The following DCLRE1C variants were observed in gnomAD, a reference collection of about 807,000 sequenced individuals.
DCLRE1C encodes the protein DNA cross-link repair 1C.
In DCLRE1C, 47 loss-of-function variants were observed where a neutral mutation model predicts 61.4. The ratio of observed to expected loss-of-function variants is 0.77; its 90% CI spans 0.61 to 0.98. The LOEUF (loss-of-function observed/expected upper bound fraction) is 0.98, where lower values mean the gene tolerates loss of function less well. Ranked by LOEUF, DCLRE1C falls within the 50% of genes least tolerant of loss-of-function variation. DCLRE1C has a pLI of 0.00. For synonymous variants in DCLRE1C, 337 were observed against 287.6 expected (o/e 1.17, Z -1.74); for missense variants, 858 against 816.0 (o/e 1.05, Z -0.63).
chr10:14,939,748 A>T (rs1840559992), intron 4 of DCLRE1C, 62 bp downstream of exon 4: 1 of 1,400,328 alleles, frequency 7.1e-7, no homozygotes, highest in Admixed American at 1.7e-5. Flanking sequence ...TCAAAGAGAA[A>T]TATAAACAAT....
chr10:14,907,311 A>G lies in DCLRE1C; in HGVS notation c.*1097T>C, dbSNP rs1368696803. Among the ~76,000 whole-genome samples, 1 of 150,406 alleles carries G rather than the reference A, an allele frequency of 6.6e-6. No individual in the cohort carries two copies. Among genetic ancestry groups the G allele is most frequent in the Non-Finnish European group, 1.5e-5 (1 of 67,776 alleles). ...TTATCATACTAGATCCAAGTTTGTC[A>G]ATTTAAATCAGGTGTGTTTATGAGC... On this transcript the variant is annotated 3_prime_UTR_variant, in exon 14 of 14. Transcript: ENST00000378278.
Position 14,936,531 on chromosome 10 carries a change from C to T in DCLRE1C, c.362+7G>A, listed in dbSNP as rs758857771. 8 of 1,608,460 alleles carry T rather than the reference C, an allele frequency of 5.0e-6. No homozygotes were observed. Among genetic ancestry groups the T allele is most frequent in the South Asian group, 1.1e-5 (1 of 90,898 alleles). Reference sequence around the variant, plus strand: ...TAATAAAATGACAAAATAAATGACCCCCTTACATAACTGATCCCGGACAGT... The same window carrying T: ...TAATAAAATGACAAAATAAATGACCTCCTTACATAACTGATCCCGGACAGT... On this transcript the variant is annotated splice_region_variant and intron_variant, in intron 5 of 13. Transcript: ENST00000378278.
intron 1 of DCLRE1C, among the ~76,000 whole-genome samples, chr10:14,951,389 CAAAAAAAAAAAA>C (rs60272216): frequency 2.6e-4 from 12 of 46,036 alleles, no homozygotes; most frequent in East Asian, 1.5e-3. Flanking sequence ...AACCCTGTCT[CAAAAAAAAAAAA>C]AAAAAAAAAA....
chr10:14,899,521 AC>A (rs1407956208), intron 13 of DCLRE1C: 1 of 1,612,948 alleles, frequency 6.2e-7, no homozygotes, highest in Non-Finnish European at 8.5e-7. Flanking sequence ...TAATATACTT[AC>A]AGTTTTTTCT....
intron 1 of DCLRE1C, 140 bp downstream of exon 1, chr10:14,953,762 C>T (rs535911804): frequency 1.4e-4 from 181 of 1,259,992 alleles, no homozygotes; most frequent in Admixed American, 8.9e-4. Flanking sequence ...CTGAAGAGCC[C>T]GACTGGGACA....
At chr10:14,949,194 T>C (rs1427826768) in intron 1 of DCLRE1C, 107 bp from the exon 2 acceptor site, 2 of 777,850 alleles carry the variant, frequency 2.6e-6, no homozygotes, top group African/African-American at 3.5e-5. Context: ...ACCCATGAGG[T>C]TTGCTTTTAT....
At chr10:14,941,275 T>A (rs2131048541) in intron 3 of DCLRE1C, among the ~76,000 whole-genome samples, 1 of 152,334 alleles carries the variant, frequency 6.6e-6, no homozygotes, top group Admixed American at 6.5e-5. Flanking sequence ...CCATTGTCCA[T>A]CAGCTCCTTT....
exon 14 of DCLRE1C, chr10:14,899,131 G>A (rs1833810976): frequency 1.5e-6 from 1 of 674,580 alleles, no homozygotes; most frequent in Admixed American, 2.1e-5. Context: ...ACCAGTGTGG[G>A]CAACATAGTG....
Position 14,908,219 on chromosome 10 carries a change from A to C in DCLRE1C, c.*189T>G. 1 of 413,736 alleles carries C rather than the reference A, an allele frequency of 2.4e-6. No individual in the cohort carries two copies. Among genetic ancestry groups the C allele is most frequent in the Non-Finnish European group, 4.2e-6 (1 of 237,870 alleles). The allele number at this position is 413,736 out of a possible 1,614,324, so 25.6% of individuals were successfully genotyped here. On this transcript the variant is annotated 3_prime_UTR_variant, in exon 14 of 14. Coordinates refer to ENST00000378278, the MANE Select transcript of DCLRE1C (RefSeq NM_001033855.3). ...AGAGACACATTTCACTGTGTTGGCC[A>C]GGCTGGTGTCGAACTCCTGGGCTCA...
Position 14,908,784 on chromosome 10 carries a change from C to G in DCLRE1C, c.1703G>C (p.Gly568Ala). ...AGCTTTGTCCAAGGAAGTAATATCC[C>G]CACTGTTTCTCTCTTGGGAAGATAA... ...VLLSSQERNS[G>A]DITSLDKADY... The change falls in exon 14 of 14, where the codon GGG (glycine) becomes GCG (alanine). Residue 568 changes from glycine (G) to alanine (A), a missense_variant. By Grantham distance (60) the Gly-to-Ala change is moderately conservative (BLOSUM62 0). Around this residue, in one of 2 missense-constraint regions of DCLRE1C, gnomAD observed 843 missense variants for 783.5 expected, o/e 1.08. Transcript: ENST00000378278. 1 of 1,614,176 alleles carries G rather than the reference C, an allele frequency of 6.2e-7. No homozygotes were observed.
At position 14,908,737 on chromosome 10, in the gene DCLRE1C, C is replaced by T; in HGVS notation, c.1750G>A (p.Glu584Lys). The T allele has an allele frequency of 6.2e-7, 1 of 1,614,180 alleles. No individual in the cohort carries two copies. Among genetic ancestry groups the T allele is most frequent in the Non-Finnish European group, 8.5e-7 (1 of 1,180,042 alleles). ...TCCATGAGAGAGGCAGGAATATTCTCTTTGATTGTTGGTCTGTAGTCAGCT... is the reference window on the plus strand; with the variant it reads ...TCCATGAGAGAGGCAGGAATATTCTTTTTGATTGTTGGTCTGTAGTCAGCT... ...DKADYRPTIK[E>K]NIPASLMEQN... The change falls in exon 14 of 14, where the codon GAG becomes AAG. Residue 584 changes from glutamate (E) to lysine (K), a missense_variant. This residue lies in a region of DCLRE1C where 843 missense variants were observed against 783.5 expected (regional missense o/e 1.08). Coordinates refer to ENST00000378278, the MANE Select transcript of DCLRE1C (RefSeq NM_001033855.3).
chr10:14,933,457 T>G (rs1839361909), intron 8 of DCLRE1C, among the ~76,000 whole-genome samples: 1 of 152,016 alleles, frequency 6.6e-6, no homozygotes, highest in Non-Finnish European at 1.5e-5. Flanking sequence ...GCCAACATGG[T>G]GAAGCCCCAT....
intron 13 of DCLRE1C, among the ~76,000 whole-genome samples, chr10:14,914,367 A>G (rs955100161): frequency 1.3e-5 from 2 of 152,236 alleles, no homozygotes; most frequent in Non-Finnish European, 2.9e-5. Context: ...TAGTGCCTCA[A>G]ATAGATGAAG....
chr10:14,915,294 A>T (rs1835984290), intron 13 of DCLRE1C, among the ~76,000 whole-genome samples: 1 of 152,094 alleles, frequency 6.6e-6, no homozygotes, highest in African/African-American at 2.4e-5. Flanking sequence ...AATTCAATGA[A>T]ATAGAAAACT....
intron 11 of DCLRE1C, chr10:14,923,717 G>C (rs1837503567): frequency 6.5e-6 from 1 of 153,730 alleles, no homozygotes; most frequent in African/African-American, 2.4e-5. Flanking sequence ...ACACCTTTGA[G>C]GTTACTTGAT....
chr10:14,933,077 G>A (rs1436325469), intron 8 of DCLRE1C, 122 bp from the exon 9 acceptor site: 2 of 1,151,794 alleles, frequency 1.7e-6, no homozygotes, highest in East Asian at 2.5e-5. Context: ...TTCTTGAAAA[G>A]TAGTTTTTGG....
intron 11 of DCLRE1C, chr10:14,923,271 A>G (rs1837420824): frequency 1.7e-6 from 1 of 571,750 alleles, no homozygotes; most frequent in Non-Finnish European, 3.2e-6. Context: ...TCTCCTGAAC[A>G]CTGAGTACTA....
At chr10:14,921,565 T>G (rs1339364751) in intron 12 of DCLRE1C, among the ~76,000 whole-genome samples, 1 of 152,210 alleles carries the variant, frequency 6.6e-6, no homozygotes, top group Non-Finnish European at 1.5e-5. Context: ...GAAATCTGGC[T>G]TGTAACTCAC....
In DCLRE1C at chr10:14,907,695, C is replaced by T. The variant is rs2131756808; in HGVS notation, c.*713G>A. Among the ~76,000 whole-genome samples the T allele has an allele frequency of 6.6e-6, 1 of 152,010 alleles. No homozygotes were observed. Among genetic ancestry groups the T allele is most frequent in the African/African-American group, 2.4e-5 (1 of 41,450 alleles). ...TTTTTAATTGTTTACATGGTTTTTC[C>T]ATCCTTTTAACCTATCAATCACTTG... is the stretch of plus-strand genomic sequence containing the variant. On this transcript the variant is annotated 3_prime_UTR_variant, in exon 14 of 14. Transcript: ENST00000378278.
Sources: allele counts gnomAD v4.1 joint callset (sites outside exome capture counted in the v4.1 genomes callset), GRCh38; gene constraint gnomAD v4.1.1; regional missense constraint gnomAD v4.1.1; transcripts MANE v1.5; gene names NCBI Gene and HGNC (gene_info 2026-07-23, HGNC 2026-07-21).